Variants in NAGA observed in about 807,000 individuals in gnomAD.
The protein encoded by NAGA is Acetylgalactosaminidase, alpha-N- (alpha-galactosidase B).
NAGA carries 42 observed loss-of-function variants against 45.6 expected under a neutral mutation model. The observed-to-expected ratio is 0.92, with a 90% confidence interval of 0.72 to 1.19. The LOEUF (loss-of-function observed/expected upper bound fraction) is 1.19. Ranked by LOEUF, NAGA falls within the 50% of genes most tolerant of loss-of-function variation. NAGA has a pLI of 0.00. For synonymous variants in NAGA, 176 were observed against 203.1 expected (o/e 0.87, Z 1.13); for missense variants, 493 against 544.8 (o/e 0.90, Z 0.95).
chr22:42,067,439 T>C, intron 3 of NAGA, 149 bp from the exon 4 acceptor site: 1 of 1,008,182 alleles, frequency 9.9e-7, no homozygotes, highest in Non-Finnish European at 1.5e-6. Context: ...CTGCCCATGA[T>C]GGCCCACCTC....
At position 42,061,027 on chromosome 22, in the gene NAGA, T is replaced by C. The variant is rs1926350488; in HGVS notation, c.998A>G (p.Asn333Ser). 3.7e-6 allele frequency: 6 copies of C among 1,614,170 alleles called. No individual in the cohort carries two copies. The highest frequency in any genetic ancestry group is 5.1e-6 in the Non-Finnish European group (6 of 1,180,022). ...LIEVYMRPLS[N>S]KASALVFFSC... The stretch of plus-strand genomic sequence containing the variant: ...GAAGAAGACTAAGGCGCTAGCCTTG[T>C]TGGACAGAGGCCGCATGTACACTTC... Residue 333 changes from asparagine to serine, a missense_variant, in exon 8 of 9, where the codon AAC becomes AGC. Coordinates refer to ENST00000396398, the MANE Select transcript of NAGA (RefSeq NM_000262.3).
At chr22:42,065,311 G>A (rs1215811942) in intron 6 of NAGA, among the ~76,000 whole-genome samples, 1 of 152,242 alleles carries the variant, frequency 6.6e-6, no homozygotes, top group African/African-American at 2.4e-5. Flanking sequence ...CTAGAAGCAG[G>A]ACTGTGAGGG....
rs889300130 is a variant in NAGA at position 42,059,889 on chromosome 22, G to A, written c.*390C>T. 2.8e-5 allele frequency: 8 copies of A among 285,606 alleles called. No individual in the cohort carries two copies. Among genetic ancestry groups the A allele is most frequent in the African/African-American group, 1.7e-4 (8 of 46,128 alleles). The allele number at this position is 285,606 out of a possible 1,614,324, so 17.7% of individuals were successfully genotyped here. The stretch of plus-strand genomic sequence containing the variant: ...GAAAAGCCAATCACATGATCCATGG[G>A]CATTCCTGGCAAGAGGTCAGATCTC... On this transcript the variant is annotated 3_prime_UTR_variant, in exon 9 of 9. Transcript: ENST00000396398.
intron 1 of NAGA, 69 bp from the exon 2 acceptor site, chr22:42,068,643 C>T: frequency 6.3e-7 from 1 of 1,595,838 alleles, no homozygotes; most frequent in Non-Finnish European, 8.5e-7. Flanking sequence ...CATCCCACCC[C>T]ATCTGTATGT....
chr22:42,065,785 T>C lies in NAGA; in HGVS notation c.712A>G (p.Ile238Val), dbSNP rs145191031. 1.4e-5 allele frequency: 22 copies of C among 1,614,004 alleles called. No homozygotes were observed. In the African/African-American group the frequency reaches 2.5e-4, roughly 19 times the overall value. ...CCAGGGCCGGCCACTGGCTGCAGTA[T>C]GTCCTGGTGCTCCACGAACCAATTC... ...ILNWFVEHQDILQPVAGPGHW... is the reference protein window; with the variant it reads ...ILNWFVEHQDVLQPVAGPGHW... Residue 238 changes from isoleucine to valine, a missense_variant, in exon 6 of 9, where the codon ATA (isoleucine) becomes GTA (valine). Coordinates refer to ENST00000396398, the MANE Select transcript of NAGA (RefSeq NM_000262.3).
chr22:42,065,169 A>G (rs569433175), intron 6 of NAGA, among the ~76,000 whole-genome samples: 48 of 152,322 alleles, frequency 3.2e-4, no homozygotes, highest in African/African-American at 9.4e-4. Flanking sequence ...CTGGCTTAGC[A>G]CTTGTAATTC....
chr22:42,065,750 A>G lies in NAGA; in HGVS notation c.747T>C (p.Asn249=). 6.2e-7 allele frequency: 1 copy of G among 1,614,072 alleles called. No individual in the cohort carries two copies. The highest frequency in any genetic ancestry group is 8.5e-7 in the Non-Finnish European group (1 of 1,180,034). Residue 249 remains asparagine, a synonymous_variant, in exon 6 of 9, where the codon AAT becomes AAC. Coordinates refer to ENST00000396398, the MANE Select transcript of NAGA (RefSeq NM_000262.3). ...LQPVAGPGHW[N]DPDMLLIGNF... ...TCCATCCTGGTACCATGTCAGGGTC[A>G]TTCCAGTGCCCAGGGCCGGCCACTG...
intron 4 of NAGA, 30 bp downstream of exon 4, chr22:42,067,083 C>CT: frequency 6.2e-7 from 1 of 1,612,580 alleles, no homozygotes; most frequent in Non-Finnish European, 8.5e-7. Context: ...CCCCGTTTGC[C>CT]TACGTGCCCC....
In NAGA at chr22:42,059,918, A is replaced by G. The variant is rs1926259794; in HGVS notation, c.*361T>C. 2 of 337,568 alleles carry G rather than the reference A, an allele frequency of 5.9e-6. No individual in the cohort carries two copies. Among genetic ancestry groups the G allele is most frequent in the East Asian group, 1.5e-4 (2 of 13,766 alleles). The allele number at this position is 337,568 out of a possible 1,614,324, so 20.9% of individuals were successfully genotyped here. On this transcript the variant is annotated 3_prime_UTR_variant, in exon 9 of 9. Coordinates refer to ENST00000396398, the MANE Select transcript of NAGA (RefSeq NM_000262.3). The stretch of plus-strand genomic sequence containing the variant: ...TCCTGGCAAGAGGTCAGATCTCTCT[A>G]CTCCTAATTCGAAAACTTCCAAATC...
At chr22:42,067,644 C>T in intron 3 of NAGA, 121 bp downstream of exon 3, 2 of 869,150 alleles carry the variant, frequency 2.3e-6, no homozygotes, top group Non-Finnish European at 3.6e-6. Context: ...AGTCGGTGTT[C>T]ATTTGTCTGT....
Position 42,070,396 on chromosome 22 carries a change from TG to T in NAGA, c.-100del. ...AAGCTAAGAAACGTCTGAAAAGCAC[TG>T]GGGTCACGGCTGCCTGGCTAGCTCG... On this transcript the variant is annotated 5_prime_UTR_variant, in exon 1 of 9. The change creates a premature stop within an existing upstream ORF in the 5' untranslated region. Coordinates refer to ENST00000396398, the MANE Select transcript of NAGA (RefSeq NM_000262.3). 6.8e-7 allele frequency: 1 copy of T among 1,472,332 alleles called. No homozygotes were observed. The highest frequency in any genetic ancestry group is 9.5e-7 in the Non-Finnish European group (1 of 1,051,282). 91.2% of individuals were successfully genotyped at this position (1,472,332 alleles called of 1,614,324 possible). A position where few individuals can be genotyped will look rare whatever the true frequency, so the allele number is the denominator to read the frequency against.
intron 6 of NAGA, among the ~76,000 whole-genome samples, chr22:42,064,484 A>AAC (rs931842548): frequency 1.0e-4 from 15 of 150,148 alleles, no homozygotes; most frequent in Non-Finnish European, 2.1e-4. Flanking sequence ...ACTAAAAAAA[A>AAC]AAAAAAAAAA....
At chr22:42,061,425 C>A (rs1926385077) in intron 7 of NAGA, among the ~76,000 whole-genome samples, 1 of 152,246 alleles carries the variant, frequency 6.6e-6, no homozygotes, top group Non-Finnish European at 1.5e-5. Flanking sequence ...AAACAGCTGC[C>A]AGTGCTGGCC....
At chr22:42,069,619 CAAA>C (rs60526991) in intron 1 of NAGA, among the ~76,000 whole-genome samples, 93 of 93,876 alleles carry the variant, frequency 9.9e-4, no homozygotes, top group East Asian at 3.2e-3. Context: ...GACTCCGTCT[CAAA>C]AAAAAAAAAA....
chr22:42,064,671 A>G (rs529850772), intron 6 of NAGA, among the ~76,000 whole-genome samples: 2 of 152,208 alleles, frequency 1.3e-5, no homozygotes, highest in South Asian at 4.2e-4. Flanking sequence ...AATAAAAAAC[A>G]AAAACCCCAT....
At chr22:42,067,635 G>T in intron 3 of NAGA, 130 bp downstream of exon 3, 1 of 797,282 alleles carries the variant, frequency 1.3e-6, no homozygotes, top group South Asian at 1.7e-5. Context: ...TAGGCCAAAA[G>T]TCGGTGTTCA....
chr22:42,067,766 T>TC lies in NAGA; in HGVS notation c.322_323insG (p.Tyr108Ter), dbSNP rs763678008. 6.2e-7 allele frequency: 1 copy of TC among 1,611,838 alleles called. No individual in the cohort carries two copies. The highest frequency in any genetic ancestry group is 1.1e-5 in the South Asian group (1 of 91,066). Residue 108 changes from tyrosine to a stop codon, truncating the protein, a stop_gained and frameshift_variant and splice_region_variant, in exon 3 of 9, where the codon TAC becomes TGAC. Coordinates refer to ENST00000396398, the MANE Select transcript of NAGA (RefSeq NM_000262.3). LOFTEE classifies it high-confidence loss of function. ...FPHGIPFLAD[Y>*]VHSLGLKLGI... ...GGGCAGGGCTGGGGTGCGGCTCACG[T>TC]AGTCAGCCAGGAAAGGAATGCCATG...
intron 6 of NAGA, among the ~76,000 whole-genome samples, chr22:42,064,183 A>T (rs1203285052): frequency 6.6e-6 from 1 of 151,388 alleles, no homozygotes; most frequent in African/African-American, 2.4e-5. Context: ...TCTACCAAAA[A>T]TACAAAATTA....
rs1324047408 is a variant in NAGA at position 42,058,719 on chromosome 22, C to A, written c.*1560G>T. The A allele has an allele frequency of 6.6e-6, 1 of 152,290 alleles. No individual in the cohort carries two copies. Among genetic ancestry groups the A allele is most frequent in the Non-Finnish European group, 1.5e-5 (1 of 68,112 alleles). The allele number at this position is 152,290 out of a possible 1,614,324, so 9.4% of individuals were successfully genotyped here. On this transcript the variant is annotated 3_prime_UTR_variant, in exon 9 of 9. Transcript: ENST00000396398. The stretch of plus-strand genomic sequence containing the variant: ...CCAGGCTCAACTCTGGCCCCCAACT[C>A]CCAAGTCCATGGTCTCAACTCATTT...
Sources: allele counts gnomAD v4.1 joint callset (sites outside exome capture counted in the v4.1 genomes callset), GRCh38; gene constraint gnomAD v4.1.1; transcripts MANE v1.5; gene names NCBI Gene and HGNC (gene_info 2026-07-23, HGNC 2026-07-21).